The following HMGB3 variants were observed in gnomAD, a reference collection of about 807,000 sequenced individuals.
HMGB3 encodes the protein high mobility group box 3.
A neutral mutation model predicts 12.9 loss-of-function variants in HMGB3; 1 was observed. That is an observed-to-expected ratio of 0.08 (90% CI 0.03 to 0.37). The LOEUF (loss-of-function observed/expected upper bound fraction) is 0.37. Ranked by LOEUF, HMGB3 falls within the 10% of genes least tolerant of loss-of-function variation. The pLI is 0.99. For synonymous variants in HMGB3, 61 were observed against 53.9 expected, an observed-to-expected ratio of 1.13 and a Z score of -0.57; for missense variants, 74 against 153.3, an observed-to-expected ratio of 0.48 and a Z score of 2.73.
intron 1 of HMGB3, 104 bp downstream of exon 1, chrX:150,983,480 G>T: frequency 1.5e-5 from 11 of 742,365 alleles, no homozygotes; most frequent in Non-Finnish European, 1.7e-5. Context: ...TCCGGCCCGC[G>T]CCGCCGTGAG....
chrX:150,981,069 C>T, upstream of HMGB3, among the ~76,000 whole-genome samples: 1 of 110,831 alleles, frequency 9.0e-6, no homozygotes, highest in Non-Finnish European at 1.9e-5. Flanking sequence ...TTGTGGAAAC[C>T]CTGCTCCCCT....
Position 150,987,881 on chromosome X carries a change from A to G in HMGB3, c.570A>G (p.Glu190=), listed in dbSNP as rs2048070340. Residue 190 remains glutamate, a synonymous_variant, in exon 5 of 5, where the codon GAA becomes GAG. Coordinates refer to ENST00000325307, the MANE Select transcript of HMGB3 (RefSeq NM_005342.4). The part of the protein sequence containing the change: ...VEEEDEEEEE[E]EEEEEEEEDE Reference sequence around the variant, plus strand: ...AGGAAGATGAAGAAGAGGAGGAGGAAGAAGAGGAGGAGGAGGAGGAGGAGG... The same window carrying G: ...AGGAAGATGAAGAAGAGGAGGAGGAGGAAGAGGAGGAGGAGGAGGAGGAGG... 4 of 1,188,828 alleles carry G rather than the reference A, an allele frequency of 3.4e-6. No individual in the cohort carries two copies. The highest frequency in any genetic ancestry group is 2.7e-4 in the Middle Eastern group (1 of 3,741).
In HMGB3 at chrX:150,988,045, A is replaced by T. The variant is rs1557425303; in HGVS notation, c.*131A>T. Reference sequence around the variant, plus strand: ...CAAAATTTGATCACGATCATATTGTAGTCTCTCAAAGTGCTCTAGAAATTG... The same window carrying T: ...CAAAATTTGATCACGATCATATTGTTGTCTCTCAAAGTGCTCTAGAAATTG... On this transcript the variant is annotated 3_prime_UTR_variant, in exon 5 of 5. Transcript: ENST00000325307. 1.2e-6 allele frequency: 1 copy of T among 837,233 alleles called. No individual in the cohort carries two copies. The highest frequency in any genetic ancestry group is 2.0e-5 in the African/African-American group (1 of 49,113). The allele number at this position is 837,233 out of a possible 1,213,427, so 69.0% of individuals were successfully genotyped here. A position where few individuals can be genotyped will look rare whatever the true frequency, so the allele number is the denominator to read the frequency against.
At position 150,989,033 on chromosome X, in the gene HMGB3, G is replaced by T. The variant is rs782750049; in HGVS notation, c.*1119G>T. Reference sequence around the variant, plus strand: ...CAGCAGCCTTCCAAGGTATAGGAAGGTGGGTGATTAGGACTGAGGCTATCT... The same window carrying T: ...CAGCAGCCTTCCAAGGTATAGGAAGTTGGGTGATTAGGACTGAGGCTATCT... On this transcript the variant is annotated 3_prime_UTR_variant, in exon 5 of 5. Transcript: ENST00000325307. 1 of 111,952 alleles carries T rather than the reference G, an allele frequency of 8.9e-6. No homozygotes were observed. Among genetic ancestry groups the T allele is most frequent in the Admixed American group, 9.5e-5 (1 of 10,484 alleles). The allele number at this position is 111,952 out of a possible 1,213,427, so 9.2% of individuals were successfully genotyped here.
At chrX:150,981,157 G>C (rs1350039759), upstream of HMGB3, among the ~76,000 whole-genome samples, 3 of 110,139 alleles carry the variant, frequency 2.7e-5, no homozygotes, top group Non-Finnish European at 5.7e-5. Context: ...AGAAGGAGCA[G>C]GGAGGGGCTG....
intron 1 of HMGB3, chrX:150,984,499 G>C (rs1286404794): frequency 4.8e-6 from 1 of 210,415 alleles, no homozygotes; most frequent in Admixed American, 9.6e-5. Flanking sequence ...GGCTGCCGCC[G>C]GCCCGGCCGC....
In HMGB3 at chrX:150,988,007, T is replaced by A. The variant is rs782346926; in HGVS notation, c.*93T>A. 36 of 1,027,459 alleles carry A rather than the reference T, an allele frequency of 3.5e-5. No homozygotes were observed. Among genetic ancestry groups the A allele is most frequent in the Non-Finnish European group, 4.5e-5 (35 of 776,175 alleles). The allele number at this position is 1,027,459 out of a possible 1,213,427, so 84.7% of individuals were successfully genotyped here. A position where few individuals can be genotyped will look rare whatever the true frequency, so the allele number is the denominator to read the frequency against. On this transcript the variant is annotated 3_prime_UTR_variant, in exon 5 of 5. Transcript: ENST00000325307. ...ATTTGAGAAGTGTCTGTTGCCCTCA[T>A]TAGGTTTAATTACAAAATTTGATCA...
At chrX:150,983,437 GC>G (rs2048009926) in intron 1 of HMGB3, 61 bp downstream of exon 1, 1 of 370,786 alleles carries the variant, frequency 2.7e-6, no homozygotes, top group Non-Finnish European at 3.2e-6. Flanking sequence ...CGCCGCCGCC[GC>G]CGCCGCCGCC....
At chrX:150,985,530 T>G in intron 1 of HMGB3, 65 bp from the exon 2 acceptor site, 1 of 948,833 alleles carries the variant, frequency 1.1e-6, no homozygotes, top group Admixed American at 2.7e-5. Flanking sequence ...TGGTACGTCT[T>G]GTACTTCTTG....
At position 150,989,956 on chromosome X, in the gene HMGB3, C is replaced by CTCTA. The variant is rs2048095939; in HGVS notation, c.*2043_*2046dup. ...AGAACTGTTTGTCCTGAATGTGTTC[C>CTCTA]TCTAGTTCTAGAAAATGACCACTAA... On this transcript the variant is annotated 3_prime_UTR_variant, in exon 5 of 5. Transcript: ENST00000325307. 1 of 111,633 alleles carries CTCTA rather than the reference C, an allele frequency of 9.0e-6. No individual in the cohort carries two copies. The highest frequency in any genetic ancestry group is 3.3e-5 in the African/African-American group (1 of 30,722). 9.2% of individuals were successfully genotyped at this position (111,633 alleles called of 1,213,427 possible). A position where few individuals can be genotyped will look rare whatever the true frequency, so the allele number is the denominator to read the frequency against.
At chrX:150,987,653 A>G (rs2048066678) in intron 4 of HMGB3, 124 bp from the exon 5 acceptor site, 4 of 549,316 alleles carry the variant, frequency 7.3e-6, no homozygotes, top group Non-Finnish European at 1.2e-5. Context: ...TCAGATATAT[A>G]TGATAGCAGC....
chrX:150,984,545 GC>G, intron 1 of HMGB3: 1 of 716,666 alleles, frequency 1.4e-6, no homozygotes, highest in Non-Finnish European at 1.6e-6. Flanking sequence ...GCCGCCCCCG[GC>G]CCCGCGCGTC....
intron 1 of HMGB3, chrX:150,984,520 C>T: frequency 3.1e-5 from 13 of 422,854 alleles, no homozygotes; most frequent in Non-Finnish European, 3.8e-5. Context: ...ACACCCCCCG[C>T]GCACCGCCAC....
chrX:150,980,888 C>T (rs1238806281), upstream of HMGB3, among the ~76,000 whole-genome samples: 3 of 112,565 alleles, frequency 2.7e-5, no homozygotes, highest in African/African-American at 9.7e-5. Flanking sequence ...TCCAAGGGCC[C>T]ACCACCCTGG....
chrX:150,985,460 C>T (rs950995340), intron 1 of HMGB3, 135 bp from the exon 2 acceptor site: 2 of 401,333 alleles, frequency 5.0e-6, no homozygotes, highest in East Asian at 7.7e-5. Flanking sequence ...CCACTGGTGT[C>T]CGGCATTGGG....
chrX:150,986,137 A>G lies in HMGB3; in HGVS notation c.237A>G (p.Gly79=). 1 of 1,207,081 alleles carries G rather than the reference A, an allele frequency of 8.3e-7. No individual in the cohort carries two copies. The highest frequency in any genetic ancestry group is 1.1e-6 in the Non-Finnish European group (1 of 892,474). ...ATGATCGGGAAATGAAGGATTATGGACCAGCTAAGGGAGGCAAGAAGAAGA... is the reference window on the plus strand; with the variant it reads ...ATGATCGGGAAATGAAGGATTATGGGCCAGCTAAGGGAGGCAAGAAGAAGA... ...VRYDREMKDY[G]PAKGGKKKKD... The change falls in exon 3 of 5, where the codon GGA becomes GGG. Residue 79 remains glycine (G), a synonymous_variant. Transcript: ENST00000325307.
Position 150,983,380 on chromosome X carries a change from C to T in HMGB3, c.-6+4C>T. The T allele has an allele frequency of 1.3e-6, 1 of 759,055 alleles. No individual in the cohort carries two copies. Among genetic ancestry groups the T allele is most frequent in the Non-Finnish European group, 1.5e-6 (1 of 645,561 alleles). The allele number at this position is 759,055 out of a possible 1,213,427, so 62.6% of individuals were successfully genotyped here. On this transcript the variant is annotated splice_donor_region_variant and intron_variant, in intron 1 of 4. Transcript: ENST00000325307. ...CCCAGACTAGCGAACAATACAGGTACGTCTCGCACCGCCCGCTCCCGCCGC... is the reference window on the plus strand; with the variant it reads ...CCCAGACTAGCGAACAATACAGGTATGTCTCGCACCGCCCGCTCCCGCCGC...
In HMGB3 at chrX:150,986,982, T is replaced by C; in HGVS notation, c.291-146T>C. The C allele has an allele frequency of 7.1e-6, 3 of 420,570 alleles. 1 individual carries two copies. In the South Asian group the frequency reaches 1.6e-4, roughly 23 times the overall value. The allele number at this position is 420,570 out of a possible 1,213,427, so 34.7% of individuals were successfully genotyped here. ...TTATATATTTTAGAACCTACAACTTTGTAGCATTGTATATGGTATCATAGA... is the reference window on the plus strand; with the variant it reads ...TTATATATTTTAGAACCTACAACTTCGTAGCATTGTATATGGTATCATAGA... On this transcript the variant is annotated intron_variant, in intron 3 of 4. Coordinates refer to ENST00000325307, the MANE Select transcript of HMGB3 (RefSeq NM_005342.4).
intron 1 of HMGB3, 172 bp downstream of exon 1, chrX:150,983,548 G>T: frequency 5.4e-6 from 4 of 747,252 alleles, no homozygotes; most frequent in Non-Finnish European, 6.3e-6. Context: ...CGCCCCCTCC[G>T]CCTTCCCTCC....
Sources: gnomAD v4.1 joint callset for allele counts (sites outside exome capture counted in the v4.1 genomes callset) on GRCh38, gnomAD v4.1.1 for gene constraint, MANE v1.5 for transcripts, NCBI Gene and HGNC (gene_info 2026-07-23, HGNC 2026-07-21) for gene names.